HNRNPLL: variants seen among roughly 807,000 people sequenced by gnomAD.
The protein encoded by HNRNPLL is heterogeneous nuclear ribonucleoprotein L-like.
HNRNPLL carries 25 observed loss-of-function variants against 67.1 expected under a neutral mutation model. That is an observed-to-expected ratio of 0.37 (90% CI 0.27 to 0.52). The LOEUF is 0.52. HNRNPLL is among the 20% of genes least tolerant of loss of function. HNRNPLL has a pLI of 0.90. For missense variants in HNRNPLL, 542 were observed against 673.9 expected, an observed-to-expected ratio of 0.80 and a Z score of 2.17; for synonymous variants, 267 against 241.7, an observed-to-expected ratio of 1.10 and a Z score of -0.97.
intron 1 of HNRNPLL, among the ~76,000 whole-genome samples, chr2:38,600,414 C>CTCTCACACACACACAA (rs1667380006): frequency 6.6e-6 from 1 of 152,122 alleles, no homozygotes; most frequent in Non-Finnish European, 1.5e-5. Context: ...AGTAAACTGA[C>CTCTCACACACACACAA]TTTCTCAGAC....
chr2:38,580,178 G>C (rs552874361), intron 6 of HNRNPLL, among the ~76,000 whole-genome samples: 1 of 151,942 alleles, frequency 6.6e-6, no homozygotes, highest in Non-Finnish European at 1.5e-5. Flanking sequence ...AAACAAAACC[G>C]AGTGGTCAAT....
In HNRNPLL at chr2:38,564,091, T is replaced by C. The variant is rs1254439037; in HGVS notation, c.*91A>G. 4 of 821,758 alleles carry C rather than the reference T, an allele frequency of 4.9e-6. No individual in the cohort carries two copies. Among genetic ancestry groups the C allele is most frequent in the Non-Finnish European group, 8.5e-6 (4 of 472,192 alleles). The allele number at this position is 821,758 out of a possible 1,614,324, so 50.9% of individuals were successfully genotyped here. On this transcript the variant is annotated 3_prime_UTR_variant, in exon 13 of 13. Transcript: ENST00000449105. ...GGATCTTAAAGTAAGCAAGGCAACA[T>C]GAGATCAACCATTTTAGATTTTTTT...
chr2:38,583,878 C>A lies in HNRNPLL; in HGVS notation c.595G>T (p.Val199Phe). The A allele has an allele frequency of 6.4e-7, 1 of 1,572,260 alleles. No homozygotes were observed. Among genetic ancestry groups the A allele is most frequent in the Non-Finnish European group, 8.7e-7 (1 of 1,149,032 alleles). ...TGTATCCCATTTCTCTTGAATATAA[C>A]AATACGTTGCACTTTGCCAACAGGG... ...CNPVGKVQRI[V>F]IFKRNGIQAM... Residue 199 changes from valine (V) to phenylalanine (F), a missense_variant, in exon 4 of 13, where the codon GTT (valine) becomes TTT (phenylalanine). Physicochemically the swap from Val to Phe is conservative, Grantham distance 50. Transcript: ENST00000449105.
chr2:38,562,038 A>G lies in HNRNPLL; in HGVS notation c.*2144T>C, dbSNP rs1665696435. Reference sequence around the variant, plus strand: ...GATTTGGATACAGAGATGGGATTTCAATATTTTTTTTAAAAACTCAAAGCT... The same window carrying G: ...GATTTGGATACAGAGATGGGATTTCGATATTTTTTTTAAAAACTCAAAGCT... On this transcript the variant is annotated 3_prime_UTR_variant, in exon 13 of 13. Transcript: ENST00000449105. The G allele has an allele frequency of 6.6e-6, 1 of 152,196 alleles. No individual in the cohort carries two copies. The highest frequency in any genetic ancestry group is 1.5e-5 in the Non-Finnish European group (1 of 68,018). 9.4% of individuals were successfully genotyped at this position (152,196 alleles called of 1,614,324 possible). A position where few individuals can be genotyped will look rare whatever the true frequency, so the allele number is the denominator to read the frequency against.
intron 6 of HNRNPLL, among the ~76,000 whole-genome samples, chr2:38,580,799 G>A (rs928460490): frequency 5.9e-5 from 9 of 152,246 alleles, no homozygotes; most frequent in East Asian, 1.9e-4. Context: ...CTTATTTTCA[G>A]ATTTATCAAG....
chr2:38,564,551 T>C (rs1375646190), intron 12 of HNRNPLL, among the ~76,000 whole-genome samples: 1 of 127,826 alleles, frequency 7.8e-6, no homozygotes, highest in Non-Finnish European at 1.5e-5. Flanking sequence ...ACCTGGGAGG[T>C]GGAGGTTGCA....
chr2:38,572,032 A>T (rs1666107787), intron 8 of HNRNPLL, among the ~76,000 whole-genome samples: 1 of 152,140 alleles, frequency 6.6e-6, no homozygotes. Context: ...GAAAGTTAAA[A>T]TATACATTAA....
intron 1 of HNRNPLL, among the ~76,000 whole-genome samples, chr2:38,599,469 C>G (rs1245214268): frequency 6.6e-5 from 10 of 152,084 alleles, no homozygotes. Flanking sequence ...GAACACTACT[C>G]CACAAGAAAA....
chr2:38,577,874 T>C, intron 6 of HNRNPLL: 1 of 477,600 alleles, frequency 2.1e-6, no homozygotes. Flanking sequence ...TACCAATACA[T>C]GTCTTTAAAA....
chr2:38,562,743 G>C lies in HNRNPLL; in HGVS notation c.*1439C>G, dbSNP rs1665714383. 6.6e-6 allele frequency: 1 copy of C among 151,926 alleles called. No homozygotes were observed. The highest frequency in any genetic ancestry group is 2.4e-5 in the African/African-American group (1 of 41,410). The allele number at this position is 151,926 out of a possible 1,614,324, so 9.4% of individuals were successfully genotyped here. ...AAATTTAATTTTTTCTTTATCTTTA[G>C]AGGGCTAAATGCTGGTCCACTGCCA... On this transcript the variant is annotated 3_prime_UTR_variant, in exon 13 of 13. Transcript: ENST00000449105.
intron 1 of HNRNPLL, among the ~76,000 whole-genome samples, chr2:38,598,781 AAC>A (rs1308886102): frequency 2.0e-5 from 3 of 152,218 alleles, no homozygotes; most frequent in African/African-American, 4.8e-5. Context: ...AACATGAAGA[AAC>A]AGTCTAAAAC....
chr2:38,602,850 C>T lies in HNRNPLL; in HGVS notation c.-224G>A. 2 of 1,549,426 alleles carry T rather than the reference C, an allele frequency of 1.3e-6. No homozygotes were observed. Among genetic ancestry groups the T allele is most frequent in the East Asian group, 2.5e-5 (1 of 40,734 alleles). On this transcript the variant is annotated 5_prime_UTR_variant, in exon 1 of 13. Coordinates refer to ENST00000449105, the MANE Select transcript of HNRNPLL (RefSeq NM_138394.4). ...GAAGCTCTGGAGCGGCCGCTCCTCTCAATTACCGAGCCAACATTCAGCCTC... is the reference window on the plus strand; with the variant it reads ...GAAGCTCTGGAGCGGCCGCTCCTCTTAATTACCGAGCCAACATTCAGCCTC...
intron 1 of HNRNPLL, chr2:38,602,176 C>A: frequency 4.1e-6 from 2 of 484,430 alleles, no homozygotes; most frequent in South Asian, 2.9e-5. Flanking sequence ...CCGCCGCCGC[C>A]GCGCCGCGAC....
intron 8 of HNRNPLL, among the ~76,000 whole-genome samples, chr2:38,571,675 A>G (rs1666090377): frequency 6.6e-6 from 1 of 152,152 alleles, no homozygotes; most frequent in Admixed American, 6.6e-5. Context: ...CTAAATATAC[A>G]CATTAAATAT....
chr2:38,585,559 G>T, intron 3 of HNRNPLL, 85 bp downstream of exon 3: 1 of 773,334 alleles, frequency 1.3e-6, no homozygotes, highest in South Asian at 1.6e-5. Context: ...GTATCTAGAT[G>T]GCAATGAAAA....
intron 6 of HNRNPLL, among the ~76,000 whole-genome samples, chr2:38,580,662 A>G (rs1666490497): frequency 6.6e-6 from 1 of 152,202 alleles, no homozygotes; most frequent in African/African-American, 2.4e-5. Context: ...CCTTGTTTTT[A>G]CAAGATCCAC....
At chr2:38,565,264 A>G (rs1665812615) in intron 12 of HNRNPLL, among the ~76,000 whole-genome samples, 1 of 152,226 alleles carries the variant, frequency 6.6e-6, no homozygotes, top group African/African-American at 2.4e-5. Flanking sequence ...ATAAAAACAT[A>G]CATAACTGTC....
intron 1 of HNRNPLL, among the ~76,000 whole-genome samples, chr2:38,594,686 T>C (rs1667103287): frequency 6.6e-6 from 1 of 152,218 alleles, no homozygotes; most frequent in African/African-American, 2.4e-5. Context: ...CAGTGGCTCA[T>C]GCCTGTAATC....
chr2:38,574,960 C>T (rs952909987), intron 7 of HNRNPLL, among the ~76,000 whole-genome samples: 3 of 151,710 alleles, frequency 2.0e-5, no homozygotes, highest in African/African-American at 7.3e-5. Context: ...ACTGCCTCCC[C>T]GCCACCTACC....
Sources: gnomAD v4.1 joint callset for allele counts (sites outside exome capture counted in the v4.1 genomes callset) on GRCh38, gnomAD v4.1.1 for gene constraint, MANE v1.5 for transcripts, NCBI Gene and HGNC (gene_info 2026-07-23, HGNC 2026-07-21) for gene names.